Variants in HSPH1 observed in about 807,000 individuals in gnomAD.
HSPH1 encodes heat shock protein family H (Hsp110) member 1, also known as heat shock protein 105 kDa.
In HSPH1, 40 loss-of-function variants were observed where a neutral mutation model predicts 100.0. The observed-to-expected ratio is 0.40, with a 90% CI of 0.31 to 0.52. The LOEUF (loss-of-function observed/expected upper bound fraction) is 0.52, where lower values mean the gene tolerates loss of function less well. Among genes scored for constraint, HSPH1 ranks in the 20% least tolerant of loss-of-function variants. The probability of loss-of-function intolerance (pLI) is 0.54; values close to 1 mark genes in which losing one functional copy is unlikely to be tolerated. For synonymous variants in HSPH1, 403 were observed against 344.0 expected (o/e 1.17, Z -1.90); for missense variants, 876 against 1,015.1 (o/e 0.86, Z 1.86).
At position 31,134,989 on chromosome 13, in the gene HSPH1, C is replaced by T. The variant is rs1356600889; in HGVS notation, c.*2329G>A. On this transcript the variant is annotated 3_prime_UTR_variant, in exon 18 of 18. Coordinates refer to ENST00000320027, the MANE Select transcript of HSPH1 (RefSeq NM_006644.4). ...AAATTCAACTGTTATTAAAAATGGACGTTGTTTAGAAATATTGTCACAAAA... is the reference window on the plus strand; with the variant it reads ...AAATTCAACTGTTATTAAAAATGGATGTTGTTTAGAAATATTGTCACAAAA... The T allele has an allele frequency of 2.0e-5, 3 of 152,086 alleles. No individual in the cohort carries two copies. Among genetic ancestry groups the T allele is most frequent in the South Asian group, 2.1e-4 (1 of 4,826 alleles). 9.4% of individuals were successfully genotyped at this position (152,086 alleles called of 1,614,324 possible).
chr13:31,144,573 A>G (rs1956206074), intron 11 of HSPH1, among the ~76,000 whole-genome samples: 1 of 152,150 alleles, frequency 6.6e-6, no homozygotes, highest in African/African-American at 2.4e-5. Context: ...TTTCTTTTTT[A>G]GTAGCCCTCA....
intron 2 of HSPH1, among the ~76,000 whole-genome samples, chr13:31,157,556 T>C (rs548448348): frequency 6.6e-6 from 1 of 152,334 alleles, no homozygotes; most frequent in South Asian, 2.1e-4. Flanking sequence ...CTGACCTGAT[T>C]TTTTAATAGG....
Position 31,141,174 on chromosome 13 carries a change from T to G in HSPH1, c.1802A>C (p.Asn601Thr), listed in dbSNP as rs1259700601. Residue 601 changes from asparagine to threonine, a missense_variant, in exon 13 of 18, where the codon AAC (asparagine) becomes ACC (threonine). Asn to Thr is a moderately conservative substitution (Grantham distance 65). Coordinates refer to ENST00000320027, the MANE Select transcript of HSPH1 (RefSeq NM_006644.4). ...VVNVELPIEANLVWQLGKDLL... is the reference protein window; with the variant it reads ...VVNVELPIEATLVWQLGKDLL... ...GTCTTTCCCTAACTGCCAGACCAAG[T>G]TGGCTTCAATAGGCAGCTCAACATT... The G allele has an allele frequency of 1.9e-6, 3 of 1,609,320 alleles. No homozygotes were observed. Among genetic ancestry groups the G allele is most frequent in the South Asian group, 2.2e-5 (2 of 90,242 alleles).
Position 31,151,147 on chromosome 13 carries a change from G to A in HSPH1, c.708C>T (p.Phe236=), listed in dbSNP as rs146776431. ...AFDPFLGGKN[F]DEKLVEHFCA... is the part of the protein sequence containing the mutation. ...AAAAATGTTCCACTAACTTTTCATC[G>A]AAGTTTTTTCCTCCTAAGAAAGGAT... Residue 236 remains phenylalanine (F), a synonymous_variant, in exon 7 of 18, where the codon TTC becomes TTT. Transcript: ENST00000320027. 22 of 1,613,054 alleles carry A rather than the reference G, an allele frequency of 1.4e-5. No individual in the cohort carries two copies. Among genetic ancestry groups the A allele is most frequent in the East Asian group, 6.7e-5 (3 of 44,852 alleles).
Position 31,161,873 on chromosome 13 carries a change from G to C in HSPH1, c.-291C>G, listed in dbSNP as rs1956933525. On this transcript the variant is annotated 5_prime_UTR_variant, in exon 1 of 18. Coordinates refer to ENST00000320027, the MANE Select transcript of HSPH1 (RefSeq NM_006644.4). The stretch of plus-strand genomic sequence containing the variant: ...TGCCTGCCTCACTCTGCCGCGGCTC[G>C]CACACCGGCGCCGGCGCTGAACTAC... 9 of 1,484,442 alleles carry C rather than the reference G, an allele frequency of 6.1e-6. No homozygotes were observed. The highest frequency in any genetic ancestry group is 8.0e-6 in the Non-Finnish European group (9 of 1,118,872). 92.0% of individuals were successfully genotyped at this position (1,484,442 alleles called of 1,614,324 possible).
intron 10 of HSPH1, among the ~76,000 whole-genome samples, chr13:31,146,062 G>T (rs564388654): frequency 6.6e-6 from 1 of 152,152 alleles, no homozygotes. Context: ...TTGAGCCCAA[G>T]AGTTCAAGGT....
At chr13:31,155,288 A>G (rs563395466) in intron 3 of HSPH1, among the ~76,000 whole-genome samples, 10 of 152,340 alleles carry the variant, frequency 6.6e-5, no homozygotes, top group Non-Finnish European at 1.0e-4. Flanking sequence ...TACAATTGCC[A>G]AAAAGTCAGA....
intron 12 of HSPH1, 100 bp downstream of exon 12, chr13:31,143,692 A>G: frequency 1.9e-6 from 2 of 1,064,768 alleles, no homozygotes; most frequent in Non-Finnish European, 2.6e-6. Context: ...CACAGAACGA[A>G]ATCAATTGGT....
At position 31,140,217 on chromosome 13, in the gene HSPH1, C is replaced by A. The variant is rs1461857691; in HGVS notation, c.1947G>T (p.Leu649=). The A allele has an allele frequency of 6.2e-7, 1 of 1,611,848 alleles. No homozygotes were observed. Among genetic ancestry groups the A allele is most frequent in the Non-Finnish European group, 8.5e-7 (1 of 1,178,744 alleles). ...ATATAAATTTTTCATATGGTCCACA[C>A]AGCTTGTCTCTGAACTCATACACAT... is the stretch of plus-strand genomic sequence containing the variant. The part of the protein sequence containing the change: ...EEYVYEFRDK[L]CGPYEKFICE... The change falls in exon 14 of 18, where the codon CTG becomes CTT. Residue 649 remains leucine (L), a synonymous_variant. Transcript: ENST00000320027.
chr13:31,139,301 C>G (rs1217115825), intron 14 of HSPH1, 194 bp from the exon 15 acceptor site: 6 of 560,816 alleles, frequency 1.1e-5, no homozygotes, highest in Non-Finnish European at 1.9e-5. Context: ...GAAGCCCAAT[C>G]TGTACAATGA....
At position 31,161,586 on chromosome 13, in the gene HSPH1, C is replaced by T; in HGVS notation, c.-4G>A. ...CGTCCAACCCCACCACCGACATGGC[C>T]GGCTCGCGGTCCGCCTCCGCCTCGG... On this transcript the variant is annotated 5_prime_UTR_variant, in exon 1 of 18. Coordinates refer to ENST00000320027, the MANE Select transcript of HSPH1 (RefSeq NM_006644.4). 4 of 1,612,592 alleles carry T rather than the reference C, an allele frequency of 2.5e-6. No individual in the cohort carries two copies. The highest frequency in any genetic ancestry group is 1.7e-4 in the Middle Eastern group (1 of 6,058).
upstream of HSPH1, chr13:31,162,067 G>C: frequency 2.0e-6 from 3 of 1,536,104 alleles, no homozygotes; most frequent in Non-Finnish European, 2.6e-6. Flanking sequence ...TGGGCAGCCG[G>C]TCCCCGGAGA....
At chr13:31,150,670 A>C (rs1956454785) in intron 7 of HSPH1, among the ~76,000 whole-genome samples, 1 of 152,206 alleles carries the variant, frequency 6.6e-6, no homozygotes, top group African/African-American at 2.4e-5. Context: ...CGAGTTTTCA[A>C]TTACTGGCCC....
At chr13:31,153,722 T>C (rs17075567) in intron 4 of HSPH1, among the ~76,000 whole-genome samples, 2,587 of 152,018 alleles carry the variant, frequency 0.017, 73 homozygotes, top group African/African-American at 0.06. Flanking sequence ...AAAATATTTG[T>C]AGATGCTTGA....
Position 31,138,550 on chromosome 13 carries a change from T to C in HSPH1, c.2227A>G (p.Ile743Val). Residue 743 changes from isoleucine to valine, a missense_variant, in exon 17 of 18, where the codon ATT (isoleucine) becomes GTT (valine). Physicochemically the swap from Ile to Val is conservative, Grantham distance 29 (BLOSUM62 3). Coordinates refer to ENST00000320027, the MANE Select transcript of HSPH1 (RefSeq NM_006644.4). ...ACTTTTTTCATTTCAGACTCATCAA[T>C]ATGGTTGTATTTCTCATCCTGAACA... ...FRNKDEKYNHIDESEMKKVEK... is the reference protein window; with the variant it reads ...FRNKDEKYNHVDESEMKKVEK... 1 of 1,610,288 alleles carries C rather than the reference T, an allele frequency of 6.2e-7. No homozygotes were observed. Among genetic ancestry groups the C allele is most frequent in the South Asian group, 1.1e-5 (1 of 90,580 alleles).
chr13:31,150,337 T>C (rs573154015), intron 7 of HSPH1, among the ~76,000 whole-genome samples, 155 bp from the exon 8 acceptor site: 2 of 152,202 alleles, frequency 1.3e-5, no homozygotes, highest in South Asian at 4.1e-4. Flanking sequence ...CTTTTGTTTT[T>C]GATAAATACA....
At chr13:31,147,025 T>G (rs539468632) in intron 10 of HSPH1, among the ~76,000 whole-genome samples, 1 of 152,244 alleles carries the variant, frequency 6.6e-6, no homozygotes, top group East Asian at 1.9e-4. Flanking sequence ...TGCCAAAAGA[T>G]CCATCTATCT....
intron 10 of HSPH1, among the ~76,000 whole-genome samples, 200 bp downstream of exon 10, chr13:31,147,759 A>C (rs574031093): frequency 6.6e-6 from 1 of 152,222 alleles, no homozygotes; most frequent in South Asian, 2.1e-4. Context: ...CTACCAAGTC[A>C]TTCTATCTCT....
chr13:31,161,375 T>TA, intron 1 of HSPH1, 101 bp downstream of exon 1: 1 of 1,517,798 alleles, frequency 6.6e-7, no homozygotes, highest in Non-Finnish European at 8.9e-7. Context: ...CCCAAACGCC[T>TA]CCGTTTGCCG....
Sources: gnomAD v4.1 joint callset for allele counts (sites outside exome capture counted in the v4.1 genomes callset) on GRCh38, gnomAD v4.1.1 for gene constraint, MANE v1.5 for transcripts, NCBI Gene and HGNC (gene_info 2026-07-23, HGNC 2026-07-21) for gene names.